SULF1: variants seen among roughly 807,000 people sequenced by gnomAD.
SULF1 encodes the protein extracellular sulfatase Sulf-1.
SULF1 carries 46 observed loss-of-function variants against 110.5 expected under a neutral mutation model. The ratio of observed to expected loss-of-function variants is 0.42; its 90% CI spans 0.33 to 0.53. The LOEUF (loss-of-function observed/expected upper bound fraction) is 0.53, where lower values mean the gene tolerates loss of function less well. Among genes scored for constraint, SULF1 ranks in the 20% least tolerant of loss-of-function variants. SULF1 has a pLI of 0.12. For synonymous variants in SULF1, 371 were observed against 387.1 expected (o/e 0.96, Z 0.49); for missense variants, 941 against 1,094.2 (o/e 0.86, Z 1.98).
At chr8:69,600,790 C>CCCAGCTTCCTTTGTAA (rs1181083418) in intron 9 of SULF1, 37 bp downstream of exon 9, 1 of 1,597,442 alleles carries the variant, frequency 6.3e-7, no homozygotes, top group East Asian at 2.2e-5. Flanking sequence ...TAGTTTTTGG[C>CCCAGCTTCCTTTGTAA]CCAGCTTCCT....
intron 18 of SULF1, 69 bp from the exon 19 acceptor site, chr8:69,629,435 G>C: frequency 6.7e-7 from 1 of 1,484,044 alleles, no homozygotes; most frequent in Non-Finnish European, 9.1e-7. Context: ...AAGACTCACA[G>C]CAACAAGCCT....
intron 7 of SULF1, among the ~76,000 whole-genome samples, chr8:69,588,383 C>T (rs1472375828): frequency 6.6e-6 from 1 of 152,192 alleles, no homozygotes; most frequent in African/African-American, 2.4e-5. Context: ...GCAGCTTTTC[C>T]CTGTGCTCCT....
At chr8:69,506,540 C>G (rs1811210948) in intron 3 of SULF1, among the ~76,000 whole-genome samples, 1 of 152,172 alleles carries the variant, frequency 6.6e-6, no homozygotes, top group Non-Finnish European at 1.5e-5. Context: ...GGATGAGAAA[C>G]ATTGTGCCCA....
intron 1 of SULF1, among the ~76,000 whole-genome samples, chr8:69,480,625 A>G (rs1202338628): frequency 1.3e-5 from 2 of 152,152 alleles, no homozygotes; most frequent in Non-Finnish European, 2.9e-5. Context: ...TTTGAAGCTG[A>G]TTTATTTGTA....
chr8:69,640,786 C>T, intron 21 of SULF1, 22 bp from the exon 22 acceptor site: 1 of 1,604,830 alleles, frequency 6.2e-7, no homozygotes, highest in Non-Finnish European at 8.5e-7. Flanking sequence ...ACAGAAATTA[C>T]TCTTGTATTT....
intron 3 of SULF1, among the ~76,000 whole-genome samples, chr8:69,514,611 G>T (rs553426578): frequency 6.6e-6 from 1 of 152,338 alleles, no homozygotes; most frequent in East Asian, 1.9e-4. Context: ...AAGTGGGGGA[G>T]TGGGAGGAGG....
At chr8:69,497,596 C>T (rs1810457569) in intron 2 of SULF1, among the ~76,000 whole-genome samples, 1 of 152,220 alleles carries the variant, frequency 6.6e-6, no homozygotes, top group Admixed American at 6.5e-5. Context: ...CTCCAATTCA[C>T]AGTTTAAAAA....
At position 69,541,524 on chromosome 8, in the gene SULF1, A is replaced by G. The variant is rs1462334671; in HGVS notation, c.-133-22015A>G. ...TGAGGGACTGTAACAAATGCATCAT[A>G]TGTGAAAGAGAAGGAAGAGAAAGTA... On this transcript the variant is annotated intron_variant, in intron 3 of 22. Transcript: ENST00000402687. Among the ~76,000 whole-genome samples the G allele has an allele frequency of 3.9e-5, 6 of 152,256 alleles. No individual in the cohort carries two copies. In the East Asian group the frequency reaches 1.2e-3, roughly 29 times the overall value.
In SULF1 at chr8:69,492,856, C is replaced by G. The variant is rs758042327; in HGVS notation, c.-660C>G. 6.6e-6 allele frequency: 1 copy of G among 152,462 alleles called. No individual in the cohort carries two copies. The highest frequency in any genetic ancestry group is 2.4e-5 in the African/African-American group (1 of 41,470). 9.4% of individuals were successfully genotyped at this position (152,462 alleles called of 1,614,324 possible). A position where few individuals can be genotyped will look rare whatever the true frequency, so the allele number is the denominator to read the frequency against. ...ATCTTGCGAGCACTTCGCAGACCGTCGCTAATGAATCTTGGGGCCGGTGTC... is the reference window on the plus strand; with the variant it reads ...ATCTTGCGAGCACTTCGCAGACCGTGGCTAATGAATCTTGGGGCCGGTGTC... On this transcript the variant is annotated 5_prime_UTR_variant, in exon 1 of 23. Transcript: ENST00000402687.
Position 69,640,840 on chromosome 8 carries a change from A to C in SULF1, c.2584A>C (p.Arg862=). The change falls in exon 22 of 23, where the codon AGA becomes CGA. Residue 862 remains arginine (R), a splice_region_variant and synonymous_variant. Coordinates refer to ENST00000402687, the MANE Select transcript of SULF1 (RefSeq NM_001128205.2). ...AGATGGAGGAAGCTATGACCTACAC[A>C]GGTATTCACACTTTTTTATTCTTCT... The part of the protein sequence containing the change: ...NKDGGSYDLH[R]GQLWDGWEG The C allele has an allele frequency of 6.2e-7, 1 of 1,609,890 alleles. No homozygotes were observed.
chr8:69,571,015 C>G (rs1194324522), intron 5 of SULF1, among the ~76,000 whole-genome samples: 2 of 152,198 alleles, frequency 1.3e-5, no homozygotes. Context: ...CATGGGACAA[C>G]TTAAAATAAC....
chr8:69,587,248 C>T (rs949935915), intron 7 of SULF1, among the ~76,000 whole-genome samples: 1 of 152,098 alleles, frequency 6.6e-6, no homozygotes, highest in South Asian at 2.1e-4. Context: ...GCCAAAATAT[C>T]CCCTTCCCTT....
intron 3 of SULF1, among the ~76,000 whole-genome samples, chr8:69,502,705 T>TTA: frequency 6.7e-6 from 1 of 149,542 alleles, no homozygotes; most frequent in Non-Finnish European, 1.5e-5. Context: ...TTTTTTTTTT[T>TTA]GAGAGGAAGT....
At chr8:69,569,582 A>G (rs1805071653) in intron 5 of SULF1, among the ~76,000 whole-genome samples, 1 of 152,210 alleles carries the variant, frequency 6.6e-6, no homozygotes, top group South Asian at 2.1e-4. Flanking sequence ...ATAGTCAGGA[A>G]AAGCTCTATA....
chr8:69,502,978 C>T (rs1451382759), intron 3 of SULF1, among the ~76,000 whole-genome samples: 10 of 152,090 alleles, frequency 6.6e-5, no homozygotes, highest in Non-Finnish European at 8.8e-5. Flanking sequence ...TGAGCCACCA[C>T]AACCAGCCTG....
chr8:69,476,371 T>G (rs116889798), intron 1 of SULF1, among the ~76,000 whole-genome samples: 42 of 152,322 alleles, frequency 2.8e-4, no homozygotes, highest in Non-Finnish European at 5.3e-4. Context: ...TCTAGTCAAG[T>G]CTTCCTACTA....
intron 3 of SULF1, among the ~76,000 whole-genome samples, chr8:69,520,907 C>CT (rs1462362781): frequency 2.0e-5 from 3 of 152,180 alleles, no homozygotes; most frequent in African/African-American, 7.2e-5. Context: ...GCCACTCAAC[C>CT]TAATTCTGTC....
At chr8:69,646,251 T>C (rs777771514) in intron 22 of SULF1, among the ~76,000 whole-genome samples, 4 of 152,224 alleles carry the variant, frequency 2.6e-5, no homozygotes, top group Non-Finnish European at 5.9e-5. Context: ...AGAATAGTTT[T>C]GTGAGTCACA....
chr8:69,643,168 G>T (rs748296013), intron 22 of SULF1, among the ~76,000 whole-genome samples: 19 of 152,224 alleles, frequency 1.2e-4, no homozygotes, highest in Non-Finnish European at 2.8e-4. Flanking sequence ...TGGTTTCTCA[G>T]AAAATATCTG....
Sources: allele counts gnomAD v4.1 joint callset (sites outside exome capture counted in the v4.1 genomes callset), GRCh38; gene constraint gnomAD v4.1.1; transcripts MANE v1.5; gene names NCBI Gene and HGNC (gene_info 2026-07-23, HGNC 2026-07-21).